ZNF609: variants seen among roughly 807,000 people sequenced by gnomAD.
ZNF609 encodes the protein zinc finger protein 609.
A neutral mutation model predicts 109.5 loss-of-function variants in ZNF609; 11 were observed. The observed-to-expected ratio is 0.10, with a 90% CI of 0.06 to 0.17. The LOEUF (loss-of-function observed/expected upper bound fraction) is 0.17, where lower values mean the gene tolerates loss of function less well. Ranked by LOEUF, ZNF609 falls within the 10% of genes least tolerant of loss-of-function variation. ZNF609 has a pLI of 1.00. For missense variants in ZNF609, 1,559 were observed against 1,772.4 expected, an observed-to-expected ratio of 0.88 and a Z score of 2.16; for synonymous variants, 646 against 662.0, an observed-to-expected ratio of 0.98 and a Z score of 0.37.
rs1451184390 is a variant in ZNF609, at chr15:64,588,425, C to CT, written c.748-34401dup. 0.013 allele frequency among the ~76,000 whole-genome samples: 7 copies of CT among 520 alleles called. No individual in the cohort carries two copies. The Non-Finnish European group carries it at 0.14, about 11-fold the overall frequency. 0.3% of individuals were successfully genotyped at this position (520 alleles called of 152,430 possible). A position where few individuals can be genotyped will look rare whatever the true frequency, so the allele number is the denominator to read the frequency against. On this transcript the variant is annotated intron_variant, in intron 2 of 9. Coordinates refer to ENST00000326648, the MANE Select transcript of ZNF609 (RefSeq NM_015042.2). ...CCTGCGTAACAGAGCGACACTCTGTCTAAAAAAAAAAAAAAAAAAGAAGAG... is the reference window on the plus strand; with the variant it reads ...CCTGCGTAACAGAGCGACACTCTGTCTTAAAAAAAAAAAAAAAAAAGAAGAG...
chr15:64,604,459 T>C (rs1595735523), intron 2 of ZNF609, among the ~76,000 whole-genome samples: 1 of 152,204 alleles, frequency 6.6e-6, no homozygotes, highest in Non-Finnish European at 1.5e-5. Context: ...ATTTTATAGC[T>C]GACTGAAGAG....
chr15:64,541,562 C>T (rs1026830135), intron 2 of ZNF609, among the ~76,000 whole-genome samples: 3 of 151,956 alleles, frequency 2.0e-5, no homozygotes, highest in Non-Finnish European at 2.9e-5. Context: ...AGAATTCCGC[C>T]GGGTGCCGTG....
chr15:64,606,108 G>GT (rs201937943), intron 2 of ZNF609, among the ~76,000 whole-genome samples: 1,948 of 148,756 alleles, frequency 0.013, 32 homozygotes, highest in African/African-American at 0.046. Flanking sequence ...CATTTTAAAT[G>GT]TATTTATTTA....
intron 2 of ZNF609, among the ~76,000 whole-genome samples, chr15:64,536,935 A>G (rs1446650006): frequency 6.7e-6 from 1 of 148,688 alleles, no homozygotes; most frequent in Non-Finnish European, 1.5e-5. Flanking sequence ...AAAAAAAAAA[A>G]AAAAAGGCCG....
At chr15:64,668,999 A>T (rs2141010393) in intron 3 of ZNF609, among the ~76,000 whole-genome samples, 1 of 152,006 alleles carries the variant, frequency 6.6e-6, no homozygotes, top group East Asian at 1.9e-4. Context: ...GCCAAAAAAA[A>T]ACCCTATATA....
chr15:64,617,265 T>C (rs970595778), intron 2 of ZNF609, among the ~76,000 whole-genome samples: 2 of 149,374 alleles, frequency 1.3e-5, no homozygotes, highest in African/African-American at 4.9e-5. Flanking sequence ...CAAACAGTCC[T>C]CCCATTTCAG....
At chr15:64,510,683 C>CT in intron 2 of ZNF609, among the ~76,000 whole-genome samples, 1 of 152,172 alleles carries the variant, frequency 6.6e-6, no homozygotes, top group Non-Finnish European at 1.5e-5. Flanking sequence ...GAGGCTACTA[C>CT]TTTTTTGTGA....
chr15:64,638,601 A>G (rs1239521723), intron 3 of ZNF609, among the ~76,000 whole-genome samples: 1 of 152,038 alleles, frequency 6.6e-6, no homozygotes, highest in Non-Finnish European at 1.5e-5. Context: ...CTTGTTTAAA[A>G]TATATGTTAG....
chr15:64,550,655 A>ACG (rs1349458240), intron 2 of ZNF609, among the ~76,000 whole-genome samples: 2 of 151,952 alleles, frequency 1.3e-5, no homozygotes, highest in African/African-American at 2.4e-5. Context: ...GACCAACATG[A>ACG]CGAAACCCTG....
At chr15:64,479,657 G>A (rs4254276) in intron 1 of ZNF609, among the ~76,000 whole-genome samples, 112,834 of 151,930 alleles carry the variant, frequency 0.74, 45,432 homozygotes, top group East Asian at 0.96. Flanking sequence ...GGTGGTTCAC[G>A]CCTGTAATCC....
chr15:64,645,186 G>C (rs1896318377), intron 3 of ZNF609, among the ~76,000 whole-genome samples: 1 of 139,352 alleles, frequency 7.2e-6, no homozygotes, highest in African/African-American at 2.7e-5. Context: ...CATCTCCTGA[G>C]CTCAAGATAT....
At chr15:64,601,690 A>G (rs1214054140) in intron 2 of ZNF609, among the ~76,000 whole-genome samples, 1 of 152,232 alleles carries the variant, frequency 6.6e-6, no homozygotes, top group Non-Finnish European at 1.5e-5. Context: ...TGTCTAGAGT[A>G]TTCTGCTAAA....
chr15:64,538,805 A>G (rs1894196503), intron 2 of ZNF609, among the ~76,000 whole-genome samples: 1 of 152,106 alleles, frequency 6.6e-6, no homozygotes, highest in African/African-American at 2.4e-5. Context: ...TCGACCTCCC[A>G]AAGTGCTGGG....
intron 3 of ZNF609, among the ~76,000 whole-genome samples, chr15:64,650,968 A>G (rs1015996954): frequency 6.6e-6 from 1 of 152,178 alleles, no homozygotes. Context: ...CGGCAGAGCC[A>G]ATTTGGCAGT....
At chr15:64,519,126 C>T (rs994948959) in intron 2 of ZNF609, among the ~76,000 whole-genome samples, 1 of 4,812 alleles carries the variant, frequency 2.1e-4, no homozygotes, top group African/African-American at 1.3e-3. Flanking sequence ...GGGCGGGGGG[C>T]GGGGGGCGGG....
rs542989856 is a variant in ZNF609, at chr15:64,659,472, G to A, written c.974-10874G>A. Among the ~76,000 whole-genome samples, 3 of 152,320 alleles carry A rather than the reference G, an allele frequency of 2.0e-5. No homozygotes were observed. In the South Asian group the frequency reaches 6.2e-4, roughly 32 times the overall value. On this transcript the variant is annotated intron_variant, in intron 3 of 9. Transcript: ENST00000326648. ...GCCTAAAGTAGATTGGAAGAAGGAAGTTGGATGTAATAGAGAGGTTGGTGA... is the reference window on the plus strand; with the variant it reads ...GCCTAAAGTAGATTGGAAGAAGGAAATTGGATGTAATAGAGAGGTTGGTGA...
Position 64,680,637 on chromosome 15 carries a change from C to T in ZNF609, c.3946-9C>T, listed in dbSNP as rs1303311070. ...TATAGTGCTTTTGTGTCTCTGGTTT[C>T]CTTTCCAGATAAGTGATAAAACTTC... On this transcript the variant is annotated splice_polypyrimidine_tract_variant and intron_variant, in intron 7 of 9. Transcript: ENST00000326648. 6.4e-6 allele frequency: 10 copies of T among 1,573,302 alleles called. No individual in the cohort carries two copies. Among genetic ancestry groups the T allele is most frequent in the Admixed American group, 1.8e-5 (1 of 56,694 alleles).
At chr15:64,645,309 T>C (rs1211429211) in intron 3 of ZNF609, among the ~76,000 whole-genome samples, 1 of 151,986 alleles carries the variant, frequency 6.6e-6, no homozygotes, top group Non-Finnish European at 1.5e-5. Flanking sequence ...TAGGCTGGTG[T>C]TGAACTCCTG....
At chr15:64,464,732 A>T (rs1892987136) in intron 1 of ZNF609, among the ~76,000 whole-genome samples, 1 of 152,174 alleles carries the variant, frequency 6.6e-6, no homozygotes, top group African/African-American at 2.4e-5. Context: ...TGGGTCCACT[A>T]AGTGTCAGTG....
Sources: gnomAD v4.1 joint callset for allele counts (sites outside exome capture counted in the v4.1 genomes callset) on GRCh38, gnomAD v4.1.1 for gene constraint, MANE v1.5 for transcripts, NCBI Gene and HGNC (gene_info 2026-07-23, HGNC 2026-07-21) for gene names.